CD36: variants seen among roughly 807,000 people sequenced by gnomAD.
CD36 encodes the protein platelet glycoprotein 4.
In CD36, 119 loss-of-function variants were observed where a neutral mutation model predicts 55.2. The ratio of observed to expected loss-of-function variants is 2.15; its 90% confidence interval spans 1.86 to 2.51. CD36 has a LOEUF of 2.51. Ranked by LOEUF, CD36 falls within the 30% of genes most tolerant of loss-of-function variation. The probability of loss-of-function intolerance (pLI) is 0.00; values close to 1 mark genes in which losing one functional copy is unlikely to be tolerated. For missense variants in CD36, 819 were observed against 555.5 expected (o/e 1.47, Z -4.77); for synonymous variants, 186 against 193.6 (o/e 0.96, Z 0.33).
intron 1 of CD36, among the ~76,000 whole-genome samples, chr7:80,608,619 G>A (rs1032743531): frequency 6.6e-6 from 1 of 152,136 alleles, no homozygotes; most frequent in African/African-American, 2.4e-5. Flanking sequence ...TTACAAATGA[G>A]TAAACAGACT....
At chr7:80,628,057 G>A (rs10265457) in intron 1 of CD36, among the ~76,000 whole-genome samples, 50,129 of 151,656 alleles carry the variant, frequency 0.33, 8,566 homozygotes, top group South Asian at 0.45. Context: ...ATAAAAAAAC[G>A]CACATCTGGA....
Position 80,669,099 on chromosome 7 carries a change from T to G in CD36, c.749-854T>G, listed in dbSNP as rs373290784. On this transcript the variant is annotated intron_variant, in intron 8 of 14. Transcript: ENST00000447544. ...AAATCACTACAAATAAATGTGGACA[T>G]GGCAGGAGATCCAAATGAACTTCAC... Among the ~76,000 whole-genome samples the G allele has an allele frequency of 3.7e-4, 57 of 152,282 alleles. No individual in the cohort carries two copies. The South Asian group carries it at 6.4e-3, about 17-fold the overall frequency.
chr7:80,672,071 T>C (rs1168631068), intron 11 of CD36, 31 bp downstream of exon 11: 2 of 1,526,836 alleles, frequency 1.3e-6, no homozygotes, highest in East Asian at 2.3e-5. Flanking sequence ...TCTGATTTGG[T>C]TGATATTTTT....
At position 80,670,976 on chromosome 7, in the gene CD36, G is replaced by T. The variant is rs1223981975; in HGVS notation, c.819-1G>T. On this transcript the variant is annotated splice_acceptor_variant, in intron 9 of 14. Transcript: ENST00000447544. LOFTEE classifies it high-confidence loss of function. Reference sequence around the variant, plus strand: ...TGCAGCTCTTTTTTCTCTGTATTTAGGTCAATCTATGCTGTATTTGAATCC... The same window carrying T: ...TGCAGCTCTTTTTTCTCTGTATTTATGTCAATCTATGCTGTATTTGAATCC... 3 of 1,608,382 alleles carry T rather than the reference G, an allele frequency of 1.9e-6. No individual in the cohort carries two copies. Among genetic ancestry groups the T allele is most frequent in the Middle Eastern group, 1.6e-4 (1 of 6,074 alleles).
intron 12 of CD36, 63 bp downstream of exon 12, chr7:80,672,906 AACATG>A (rs1797852494): frequency 9.6e-7 from 1 of 1,039,918 alleles, no homozygotes; most frequent in Non-Finnish European, 1.5e-6. Context: ...TTCTTGTAAG[AACATG>A]AGTAAATCTA....
rs1795196274 is a variant in CD36 at position 80,646,753 on chromosome 7, CG to C, written c.15del (p.Asn6ThrfsTer21). On this transcript the variant is annotated frameshift_variant, in exon 3 of 15. Transcript: ENST00000447544. LOFTEE classifies it high-confidence loss of function. ...CTGAACAAGAAAAATGGGCTGTGAC[CG>C]GAACTGTGGGCTCATCGCTGGGGCT... MGCD[R>X]NCGLIAGAVI... The C allele has an allele frequency of 1.2e-6, 2 of 1,613,910 alleles. No homozygotes were observed. Among genetic ancestry groups the C allele is most frequent in the African/African-American group, 2.7e-5 (2 of 74,978 alleles).
chr7:80,666,081 C>A (rs1797063568), intron 7 of CD36: 1 of 225,808 alleles, frequency 4.4e-6, no homozygotes, highest in African/African-American at 2.3e-5. Context: ...TCCTTCTATT[C>A]ATTCTGAACA....
intron 3 of CD36, among the ~76,000 whole-genome samples, chr7:80,656,189 T>G: frequency 6.6e-6 from 1 of 152,132 alleles, no homozygotes; most frequent in East Asian, 1.9e-4. Flanking sequence ...TAAGAACTTT[T>G]TTGAACTTCG....
Position 80,669,982 on chromosome 7 carries a change from A to T in CD36, c.778A>T (p.Lys260Ter), listed in dbSNP as rs760518458. Residue 260 changes from lysine to a stop codon, truncating the protein, a stop_gained, in exon 9 of 15, where the codon AAA becomes TAA. Coordinates refer to ENST00000447544, the MANE Select transcript of CD36 (RefSeq NM_001001548.3). LOFTEE classifies it high-confidence loss of function. The stretch of plus-strand genomic sequence containing the variant: ...AGCCTCATTTCCACCTTTTGTTGAG[A>T]AAAGCCAGGTATTGCAGTTCTTTTC... Reference protein sequence around the residue: ...DAASFPPFVEKSQVLQFFSSD... With the variant: ...DAASFPPFVE 1 of 1,612,732 alleles carries T rather than the reference A, an allele frequency of 6.2e-7. No individual in the cohort carries two copies. Among genetic ancestry groups the T allele is most frequent in the Non-Finnish European group, 8.5e-7 (1 of 1,178,880 alleles).
At position 80,669,897 on chromosome 7, in the gene CD36, G is replaced by T. The variant is rs1176652554; in HGVS notation, c.749-56G>T. 14 of 1,232,098 alleles carry T rather than the reference G, an allele frequency of 1.1e-5. No homozygotes were observed. The East Asian group carries it at 2.1e-4, about 18-fold the overall frequency. The allele number at this position is 1,232,098 out of a possible 1,614,324, so 76.3% of individuals were successfully genotyped here. Reference sequence around the variant, plus strand: ...ACTACACTGGAGGAGAGATTTCTAGGTTTTTTTCTAGAACACACATTACAT... The same window carrying T: ...ACTACACTGGAGGAGAGATTTCTAGTTTTTTTTCTAGAACACACATTACAT... On this transcript the variant is annotated intron_variant, in intron 8 of 14. Coordinates refer to ENST00000447544, the MANE Select transcript of CD36 (RefSeq NM_001001548.3).
At chr7:80,670,228 TTAAAAACTAAACTAGTAGTCTA>T in intron 9 of CD36, 2 of 569,610 alleles carry the variant, frequency 3.5e-6, no homozygotes, top group Non-Finnish European at 6.2e-6. Context: ...ATTTTGCCTT[TTAAAAACTAAACTAGTAGTCTA>T]TTAACGATCA....
In CD36 at chr7:80,672,023, T is replaced by C. The variant is rs932530079; in HGVS notation, c.1108T>C (p.Tyr370His). Residue 370 changes from tyrosine to histidine, a missense_variant, in exon 11 of 15, where the codon TAC (tyrosine) becomes CAC (histidine). Coordinates refer to ENST00000447544, the MANE Select transcript of CD36 (RefSeq NM_001001548.3). ...LNPNEEEHRT[Y>H]LDIEPITGFT... The stretch of plus-strand genomic sequence containing the variant: ...CCCAAATGAAGAAGAACATAGGACA[T>C]ACTTGGATATTGAACCTGTAAGAAA... The C allele has an allele frequency of 6.2e-7, 1 of 1,607,800 alleles. No homozygotes were observed. The highest frequency in any genetic ancestry group is 8.5e-7 in the Non-Finnish European group (1 of 1,175,410).
chr7:80,605,404 A>G (rs773355619), intron 1 of CD36, among the ~76,000 whole-genome samples: 2 of 152,184 alleles, frequency 1.3e-5, no homozygotes, highest in Non-Finnish European at 2.9e-5. Context: ...CTGTTAGTTA[A>G]TGGTGAAAGC....
chr7:80,674,154 A>G lies in CD36; in HGVS notation c.*7A>G, dbSNP rs1798034042. On this transcript the variant is annotated splice_region_variant and intron_variant, in intron 14 of 14. Transcript: ENST00000447544. ...ATCGAAAACAATAAAATAAGTAAGT[A>G]TGTACCAAAAAATATTGCTTCAATA... The G allele has an allele frequency of 1.3e-6, 2 of 1,595,778 alleles. No individual in the cohort carries two copies. Among genetic ancestry groups the G allele is most frequent in the South Asian group, 2.2e-5 (2 of 90,556 alleles).
At chr7:80,672,399 ATTCTAGGATT>A (rs1238146049) in intron 11 of CD36, among the ~76,000 whole-genome samples, 1 of 151,828 alleles carries the variant, frequency 6.6e-6, no homozygotes, top group Non-Finnish European at 1.5e-5. Context: ...AGTAAATGAA[ATTCTAGGATT>A]TTAGTAGTTA....
chr7:80,603,355 G>A (rs1792349532), intron 1 of CD36, among the ~76,000 whole-genome samples: 1 of 152,034 alleles, frequency 6.6e-6, no homozygotes, highest in African/African-American at 2.4e-5. Flanking sequence ...TTATTATTTG[G>A]GGAATGGTTG....
rs192433292 is a variant in CD36 at position 80,616,604 on chromosome 7, C to T, written c.-184+14225C>T. 3.4e-3 allele frequency among the ~76,000 whole-genome samples: 523 copies of T among 152,202 alleles called. 4 individuals carry two copies. Among genetic ancestry groups the T allele is most frequent in the African/African-American group, 0.012 (499 of 41,520 alleles). On this transcript the variant is annotated intron_variant, in intron 1 of 13. Coordinates refer to the CD36 transcript ENST00000309881. ...AATCTCAAACATTTTCTTAAGTCTC[C>T]AGTTGTTATCAGTTGGGATGATTTT...
At chr7:80,607,821 G>C (rs936558557) in intron 1 of CD36, among the ~76,000 whole-genome samples, 1 of 152,072 alleles carries the variant, frequency 6.6e-6, no homozygotes. Flanking sequence ...GCCCAGGCTG[G>C]AGTACGGTGG....
intron 14 of CD36, among the ~76,000 whole-genome samples, chr7:80,674,935 C>T (rs1424495815): frequency 6.6e-6 from 1 of 152,088 alleles, no homozygotes; most frequent in South Asian, 2.1e-4. Flanking sequence ...AATACAATTT[C>T]ATGATTTTCC....
Sources: allele counts gnomAD v4.1 joint callset (sites outside exome capture counted in the v4.1 genomes callset), GRCh38; gene constraint gnomAD v4.1.1; transcripts MANE v1.5; gene names NCBI Gene and HGNC (gene_info 2026-07-23, HGNC 2026-07-21).